The following SACS variants were observed in gnomAD, a reference collection of about 807,000 sequenced individuals.
SACS encodes sacsin molecular chaperone.
In SACS, 197 loss-of-function variants were observed where a neutral mutation model predicts 348.0. The observed-to-expected ratio is 0.57, with a 90% CI of 0.50 to 0.64. The LOEUF (loss-of-function observed/expected upper bound fraction) is 0.64, where lower values mean the gene tolerates loss of function less well. SACS is among the 30% of genes least tolerant of loss of function. The probability of loss-of-function intolerance (pLI) is 0.00; values close to 1 mark genes in which losing one functional copy is unlikely to be tolerated. For missense variants in SACS, 4,999 were observed against 5,360.8 expected, an observed-to-expected ratio of 0.93 and a Z score of 2.11; for synonymous variants, 1,985 against 1,910.6, an observed-to-expected ratio of 1.04 and a Z score of -1.02.
chr13:23,332,497 C>T lies in SACS; in HGVS notation c.11379G>A (p.Gly3793=). The T allele has an allele frequency of 4.3e-6, 7 of 1,613,954 alleles. No homozygotes were observed. Among genetic ancestry groups the T allele is most frequent in the Non-Finnish European group, 5.9e-6 (7 of 1,179,890 alleles). Reference sequence around the variant, plus strand: ...CATCTTCTACCATCACAAAAGCAACCCCTCGCAACTGAAAACGAAATTCCC... The same window carrying T: ...CATCTTCTACCATCACAAAAGCAACTCCTCGCAACTGAAAACGAAATTCCC... ...EKREFRFQLR[G]VAFVMVEDGW... Residue 3793 remains glycine (G), a synonymous_variant, in exon 10 of 10, where the codon GGG becomes GGA. Transcript: ENST00000382292.
Position 23,355,553 on chromosome 13 carries a change from T to G in SACS, c.1059A>C (p.Gly353=). 1.2e-6 allele frequency: 2 copies of G among 1,614,136 alleles called. No individual in the cohort carries two copies. The highest frequency in any genetic ancestry group is 1.7e-6 in the Non-Finnish European group (2 of 1,180,010). ...HERPNSIKIL[G]TAISNYCKKT... is the part of the protein sequence containing the mutation. Reference sequence around the variant, plus strand: ...TTTTACAATAGTTACTTATAGCAGTTCCCAGAATCTTTATAGAATTCGGCC... The same window carrying G: ...TTTTACAATAGTTACTTATAGCAGTGCCCAGAATCTTTATAGAATTCGGCC... The change falls in exon 8 of 10, where the codon GGA becomes GGC. Residue 353 remains glycine (G), a synonymous_variant. Transcript: ENST00000382292.
intron 2 of SACS, among the ~76,000 whole-genome samples, chr13:23,391,742 C>A (rs1466519703): frequency 6.6e-6 from 1 of 152,086 alleles, no homozygotes; most frequent in South Asian, 2.1e-4. Context: ...GGTGCCTGAC[C>A]GGTAGAATAC....
intron 2 of SACS, among the ~76,000 whole-genome samples, chr13:23,402,524 C>G (rs1873022956): frequency 6.6e-6 from 1 of 152,122 alleles, no homozygotes; most frequent in Non-Finnish European, 1.5e-5. Context: ...TGCATAAGTT[C>G]AATAGGAATC....
chr13:23,369,789 C>T (rs1206385466), intron 4 of SACS, among the ~76,000 whole-genome samples: 1 of 152,058 alleles, frequency 6.6e-6, no homozygotes, highest in Non-Finnish European at 1.5e-5. Context: ...TTGTGATCCG[C>T]CCTCCACAGC....
chr13:23,410,333 T>C (rs1011842305), intron 2 of SACS, among the ~76,000 whole-genome samples: 9 of 152,276 alleles, frequency 5.9e-5, no homozygotes, highest in Admixed American at 5.9e-4. Flanking sequence ...TTCACACACT[T>C]AAATAACAAC....
At chr13:23,403,744 T>C (rs1434755429) in intron 2 of SACS, among the ~76,000 whole-genome samples, 1 of 152,186 alleles carries the variant, frequency 6.6e-6, no homozygotes, top group Non-Finnish European at 1.5e-5. Flanking sequence ...CTCTATCTCC[T>C]TCAGTTCTGC....
rs1873602011 is a variant in SACS at position 23,413,953 on chromosome 13, TAA to T, written c.-501-2215_-501-2214del. ...GACTCCAGTTTGAAATGTTTAAAAT[TAA>T]AAGAGGTCATGTATAATAAAGTAAA... On this transcript the variant is annotated intron_variant, in intron 1 of 9. Transcript: ENST00000382292. 2.0e-5 allele frequency among the ~76,000 whole-genome samples: 3 copies of T among 152,168 alleles called. No individual in the cohort carries two copies. The East Asian group carries it at 5.8e-4, about 29-fold the overall frequency.
rs1320832029 is a variant in SACS at position 23,368,505 on chromosome 13, T to C, written c.260-18A>G. ...AAATCGACCTAAAATACGGAGCACA[T>C]TTTAAGTGAGTTAGAAAAAAAATCC... On this transcript the variant is annotated intron_variant, in intron 4 of 9. Coordinates refer to ENST00000382292, the MANE Select transcript of SACS (RefSeq NM_014363.6). 1.9e-6 allele frequency: 3 copies of C among 1,591,732 alleles called. No individual in the cohort carries two copies. In the African/African-American group the frequency reaches 4.0e-5, roughly 21 times the overall value.
intron 2 of SACS, among the ~76,000 whole-genome samples, chr13:23,380,345 C>T (rs1324734964): frequency 6.6e-6 from 1 of 152,092 alleles, no homozygotes; most frequent in Non-Finnish European, 1.5e-5. Flanking sequence ...TTCTTCACAA[C>T]CAATACCTAA....
intron 1 of SACS, among the ~76,000 whole-genome samples, chr13:23,425,569 C>T (rs1472673977): frequency 6.6e-6 from 1 of 152,170 alleles, no homozygotes; most frequent in Non-Finnish European, 1.5e-5. Context: ...AGGTGGGAAT[C>T]CTTGTCCCCA....
intron 2 of SACS, among the ~76,000 whole-genome samples, chr13:23,388,412 T>C (rs895370551): frequency 3.8e-5 from 2 of 52,890 alleles, no homozygotes; most frequent in Admixed American, 2.8e-4. Context: ...ATTTAAAAAA[T>C]GGTGTGTGTG....
At chr13:23,401,951 A>G (rs905696242) in intron 2 of SACS, among the ~76,000 whole-genome samples, 3 of 152,216 alleles carry the variant, frequency 2.0e-5, no homozygotes, top group East Asian at 3.9e-4. Flanking sequence ...AGGCCAAGTC[A>G]GGCAGATCAT....
intron 1 of SACS, among the ~76,000 whole-genome samples, chr13:23,433,339 A>G (rs1306016367): frequency 6.6e-6 from 1 of 152,142 alleles, no homozygotes; most frequent in Non-Finnish European, 1.5e-5. Context: ...CCTCACCCAC[A>G]AATTCACAAG....
Position 23,338,977 on chromosome 13 carries a change from T to A in SACS, c.4899A>T (p.Val1633=), listed in dbSNP as rs146419598. Residue 1633 remains valine (V), a synonymous_variant, in exon 10 of 10, where the codon GTA becomes GTT. Coordinates refer to ENST00000382292, the MANE Select transcript of SACS (RefSeq NM_014363.6). ...DVFGCQLPLT[V]EAPYSYNGTL... The stretch of plus-strand genomic sequence containing the variant: ...TTCCATTATAGCTGTAAGGTGCTTC[T>A]ACAGTCAAAGGTAACTGACAGCCAA... 21 of 1,613,868 alleles carry A rather than the reference T, an allele frequency of 1.3e-5. No individual in the cohort carries two copies. Among genetic ancestry groups the A allele is most frequent in the African/African-American group, 2.7e-5 (2 of 74,948 alleles).
chr13:23,365,283 C>CA lies in SACS; in HGVS notation c.346-7dup. The stretch of plus-strand genomic sequence containing the variant: ...TCTGCATTCTGAATTAATTCCTAAC[C>CA]AAAAAATATACCAAAAAATAGTAAT... On this transcript the variant is annotated splice_region_variant and splice_polypyrimidine_tract_variant and intron_variant, in intron 5 of 9. Transcript: ENST00000382292. 6.6e-7 allele frequency: 1 copy of CA among 1,517,022 alleles called. No individual in the cohort carries two copies. The allele number at this position is 1,517,022 out of a possible 1,614,324, so 94.0% of individuals were successfully genotyped here. A position where few individuals can be genotyped will look rare whatever the true frequency, so the allele number is the denominator to read the frequency against.
chr13:23,336,742 A>G lies in SACS; in HGVS notation c.7134T>C (p.Tyr2378=), dbSNP rs762475019. The G allele has an allele frequency of 1.2e-6, 2 of 1,613,926 alleles. No homozygotes were observed. Among genetic ancestry groups the G allele is most frequent in the Non-Finnish European group, 1.7e-6 (2 of 1,179,896 alleles). The change falls in exon 10 of 10, where the codon TAT becomes TAC. Residue 2378 remains tyrosine, a synonymous_variant. Transcript: ENST00000382292. ...APYLYQLPNK[Y]KNNFRELFET... is the part of the protein sequence containing the mutation. The stretch of plus-strand genomic sequence containing the variant: ...CAAAAAGTTCGCGGAAATTATTTTT[A>G]TACTTATTAGGCAACTGATAAAGGT...
At position 23,331,637 on chromosome 13, in the gene SACS, C is replaced by T; in HGVS notation, c.12239G>A (p.Gly4080Asp). Residue 4080 changes from glycine to aspartate, a missense_variant, in exon 10 of 10, where the codon GGT becomes GAT. By Grantham distance (94) the Gly-to-Asp change is moderately conservative (BLOSUM62 -1). This residue lies in a region of SACS where 831 missense variants were observed against 941.8 expected (regional missense o/e 0.88). Transcript: ENST00000382292. ...SETFAFLKRF[G>D]NAVILLYIQH... Reference sequence around the variant, plus strand: ...AATGTAGAGCAAGATGACTGCATTACCAAATCGCTTCAAAAAAGCAAAAGT... The same window carrying T: ...AATGTAGAGCAAGATGACTGCATTATCAAATCGCTTCAAAAAAGCAAAAGT... The T allele has an allele frequency of 6.2e-7, 1 of 1,613,920 alleles. No homozygotes were observed. The highest frequency in any genetic ancestry group is 8.5e-7 in the Non-Finnish European group (1 of 1,179,934).
chr13:23,382,235 C>A (rs1270869711), intron 2 of SACS, among the ~76,000 whole-genome samples: 1 of 151,772 alleles, frequency 6.6e-6, no homozygotes, highest in Non-Finnish European at 1.5e-5. Context: ...CTCACTGCAA[C>A]CTCTGCCTCC....
chr13:23,358,600 G>T (rs931102952), intron 6 of SACS, 119 bp from the exon 7 acceptor site: 4 of 1,036,264 alleles, frequency 3.9e-6, no homozygotes, highest in Non-Finnish European at 5.9e-6. Context: ...GGAGTGAATA[G>T]AGTGACTGAA....
Sources: gnomAD v4.1 joint callset for allele counts (sites outside exome capture counted in the v4.1 genomes callset) on GRCh38, gnomAD v4.1.1 for gene constraint, gnomAD v4.1.1 regional missense constraint, MANE v1.5 for transcripts, NCBI Gene and HGNC (gene_info 2026-07-23, HGNC 2026-07-21) for gene names.